The following TANGO6 variants were observed in gnomAD, a reference collection of about 807,000 sequenced individuals.
TANGO6 encodes the protein transport and golgi organization 6 homolog.
In TANGO6, 90 loss-of-function variants were observed where a neutral mutation model predicts 114.2. The ratio of observed to expected loss-of-function variants is 0.79; its 90% CI spans 0.66 to 0.94. The LOEUF (loss-of-function observed/expected upper bound fraction) is 0.94. TANGO6 is among the 40% of genes least tolerant of loss of function. The probability of loss-of-function intolerance (pLI) is 0.00; values close to 1 mark genes in which losing one functional copy is unlikely to be tolerated. For missense variants in TANGO6, 1,274 were observed against 1,315.3 expected (o/e 0.97, Z 0.49); for synonymous variants, 477 against 509.8 (o/e 0.94, Z 0.87).
chr16:68,923,424 C>T (rs902633262), intron 12 of TANGO6, among the ~76,000 whole-genome samples: 2 of 152,008 alleles, frequency 1.3e-5, no homozygotes, highest in Non-Finnish European at 2.9e-5. Flanking sequence ...AGGTCTATTG[C>T]AGAATGGAGG....
chr16:69,019,104 T>C (rs1433286631), intron 15 of TANGO6, among the ~76,000 whole-genome samples: 2 of 152,238 alleles, frequency 1.3e-5, no homozygotes, highest in African/African-American at 4.8e-5. Context: ...CACTGCATAG[T>C]AATCCGTAAT....
At chr16:68,968,257 G>T (rs1597040611) in intron 14 of TANGO6, among the ~76,000 whole-genome samples, 1 of 151,850 alleles carries the variant, frequency 6.6e-6, no homozygotes, top group Admixed American at 6.6e-5. Context: ...GTAGAGACAG[G>T]GTTTCACCAT....
chr16:68,973,668 T>C (rs1963732566), intron 14 of TANGO6, among the ~76,000 whole-genome samples: 1 of 152,244 alleles, frequency 6.6e-6, no homozygotes, highest in South Asian at 2.1e-4. Flanking sequence ...CAGGATGCTC[T>C]GAAAATGTTT....
intron 14 of TANGO6, among the ~76,000 whole-genome samples, chr16:68,956,926 T>G (rs1258282750): frequency 6.6e-6 from 1 of 152,154 alleles, no homozygotes; most frequent in Admixed American, 6.5e-5. Flanking sequence ...CCTCTTCTGC[T>G]GACTTGCTTT....
chr16:69,063,072 A>C (rs999130799), intron 17 of TANGO6, among the ~76,000 whole-genome samples: 1 of 152,052 alleles, frequency 6.6e-6, no homozygotes, highest in Non-Finnish European at 1.5e-5. Flanking sequence ...TACTAAAAAT[A>C]CAAAAATTAG....
chr16:68,876,682 G>A (rs961824612), intron 5 of TANGO6, among the ~76,000 whole-genome samples: 4 of 152,140 alleles, frequency 2.6e-5, no homozygotes, highest in South Asian at 2.1e-4. Context: ...TTGGCCAAGC[G>A]TGGTGGTGCA....
At chr16:69,065,076 C>A (rs1244049611) in intron 17 of TANGO6, among the ~76,000 whole-genome samples, 1 of 152,230 alleles carries the variant, frequency 6.6e-6, no homozygotes, top group African/African-American at 2.4e-5. Flanking sequence ...GCACACACTT[C>A]GACCATTTTC....
At chr16:68,895,760 A>G (rs1298675462) in intron 7 of TANGO6, among the ~76,000 whole-genome samples, 2 of 152,204 alleles carry the variant, frequency 1.3e-5, no homozygotes, top group African/African-American at 4.8e-5. Context: ...TTCATCTCCA[A>G]AATCAATCTG....
chr16:68,843,703 GC>G lies in TANGO6; in HGVS notation c.89del (p.Pro30ArgfsTer21). 1 of 1,613,626 alleles carries G rather than the reference GC, an allele frequency of 6.2e-7. No individual in the cohort carries two copies. Among genetic ancestry groups the G allele is most frequent in the Non-Finnish European group, 8.5e-7 (1 of 1,179,668 alleles). ...RILEALKLLL[S>X]PGGSGSSSLQ... ...TTGGAGGCATTGAAGCTGCTGCTGAGCCCGGGAGGTGAGAGGACGCATCTCC... is the reference window on the plus strand; with the variant it reads ...TTGGAGGCATTGAAGCTGCTGCTGAGCCGGGAGGTGAGAGGACGCATCTCC... On this transcript the variant is annotated frameshift_variant, in exon 1 of 18. Transcript: ENST00000261778. LOFTEE classifies it high-confidence loss of function.
intron 7 of TANGO6, among the ~76,000 whole-genome samples, chr16:68,888,304 A>G (rs1962565521): frequency 6.6e-6 from 1 of 152,118 alleles, no homozygotes; most frequent in Non-Finnish European, 1.5e-5. Context: ...CTGGTATGAG[A>G]AGGATTAATA....
chr16:68,953,633 GGCAAAATTTAAAT>G (rs1386017515), intron 14 of TANGO6, among the ~76,000 whole-genome samples: 11 of 152,020 alleles, frequency 7.2e-5, no homozygotes, highest in African/African-American at 2.7e-4. Flanking sequence ...GTGGCTCCAG[GGCAAAATTTAAAT>G]AGCCGTTCTG....
At chr16:68,956,472 A>C (rs983315807) in intron 14 of TANGO6, among the ~76,000 whole-genome samples, 3 of 152,198 alleles carry the variant, frequency 2.0e-5, no homozygotes, top group Admixed American at 2.0e-4. Flanking sequence ...CTCCAGATGT[A>C]CCTTCAAGTA....
rs572447895 is a variant in TANGO6, at chr16:69,081,405, T to C, written c.3109-2080T>C. Among the ~76,000 whole-genome samples the C allele has an allele frequency of 6.6e-5, 10 of 152,012 alleles. No individual in the cohort carries two copies. The South Asian group carries it at 1.9e-3, about 29-fold the overall frequency. ...TAATTTTATTTTTTGAGGTGGAGTC[T>C]CACTCTGTTGCCCAGGCTGGAGTGC... On this transcript the variant is annotated intron_variant, in intron 17 of 17. Transcript: ENST00000261778.
chr16:68,951,019 G>A (rs1299256069), intron 14 of TANGO6, among the ~76,000 whole-genome samples: 2 of 151,810 alleles, frequency 1.3e-5, no homozygotes, highest in African/African-American at 2.4e-5. Context: ...GCAAAGGTAG[G>A]AAGATGTTCA....
intron 14 of TANGO6, among the ~76,000 whole-genome samples, chr16:68,961,471 A>G (rs1166589399): frequency 1.3e-5 from 2 of 152,230 alleles, no homozygotes; most frequent in Non-Finnish European, 1.5e-5. Context: ...ATTGTTGGGA[A>G]CATTAATGGA....
Position 68,875,419 on chromosome 16 carries a change from C to T in TANGO6, c.1131+129C>T, listed in dbSNP as rs1962338790. On this transcript the variant is annotated intron_variant, in intron 5 of 17. Coordinates refer to ENST00000261778, the MANE Select transcript of TANGO6 (RefSeq NM_024562.2). ...TTAAGTTTATTGTTTAGTGAGGAGCCTTCTTAATAAATGAATAAAAACCGG... is the reference window on the plus strand; with the variant it reads ...TTAAGTTTATTGTTTAGTGAGGAGCTTTCTTAATAAATGAATAAAAACCGG... The T allele has an allele frequency of 6.1e-6, 7 of 1,147,910 alleles. No homozygotes were observed. In the South Asian group the frequency reaches 1.4e-4, roughly 23 times the overall value. The allele number at this position is 1,147,910 out of a possible 1,614,324, so 71.1% of individuals were successfully genotyped here. A position where few individuals can be genotyped will look rare whatever the true frequency, so the allele number is the denominator to read the frequency against.
In TANGO6 at chr16:68,875,215, G is replaced by A; in HGVS notation, c.1056G>A (p.Leu352=). Residue 352 remains leucine (L), a synonymous_variant, in exon 5 of 18, where the codon CTG becomes CTA. Transcript: ENST00000261778. ...CTGCTGACTGGAAGAAGTGTGACCT[G>A]ATCGCAAAGATTTTGGCCTCTTGTC... ...VTAADWKKCD[L]IAKILASCPQ... is the part of the protein sequence containing the mutation. 1 of 1,613,752 alleles carries A rather than the reference G, an allele frequency of 6.2e-7. No individual in the cohort carries two copies.
At chr16:68,843,968 T>C (rs1487877967) in intron 1 of TANGO6, among the ~76,000 whole-genome samples, 1 of 152,196 alleles carries the variant, frequency 6.6e-6, no homozygotes, top group Non-Finnish European at 1.5e-5. Context: ...TGCTGGGCTC[T>C]GTCAGGCGGG....
chr16:68,946,130 G>T (rs1430846712), intron 14 of TANGO6, among the ~76,000 whole-genome samples: 1 of 151,734 alleles, frequency 6.6e-6, no homozygotes, highest in African/African-American at 2.4e-5. Context: ...CTTACATAAT[G>T]GTGTCATTTG....
Sources: gnomAD v4.1 joint callset for allele counts (sites outside exome capture counted in the v4.1 genomes callset) on GRCh38, gnomAD v4.1.1 for gene constraint, MANE v1.5 for transcripts, NCBI Gene and HGNC (gene_info 2026-07-23, HGNC 2026-07-21) for gene names.